Variants in FARP2 observed in about 807,000 individuals in gnomAD.
FARP2 encodes FERM, ARHGEF and pleckstrin domain-containing protein 2.
A neutral mutation model predicts 130.5 loss-of-function variants in FARP2; 111 were observed. That is an observed-to-expected ratio of 0.85 (90% CI 0.73 to 1.00). FARP2 has a LOEUF of 1.00. Ranked by LOEUF, FARP2 falls within the 50% of genes least tolerant of loss-of-function variation. The pLI, the probability that FARP2 is intolerant of heterozygous loss-of-function variation, is 0.00. For missense variants in FARP2, 1,385 were observed against 1,346.3 expected (o/e 1.03, Z -0.45); for synonymous variants, 504 against 516.9 (o/e 0.98, Z 0.34).
At chr2:241,439,996 C>T (rs929529155) in intron 12 of FARP2, among the ~76,000 whole-genome samples, 18 of 152,084 alleles carry the variant, frequency 1.2e-4, no homozygotes, top group African/African-American at 4.3e-4. Flanking sequence ...TTTACGCTTT[C>T]AATTTTCTTC....
intron 12 of FARP2, among the ~76,000 whole-genome samples, chr2:241,438,925 G>A (rs1021991771): frequency 4.0e-5 from 6 of 151,362 alleles, no homozygotes; most frequent in Admixed American, 2.0e-4. Context: ...CACCGCGCCC[G>A]GCCAACTCTT....
Position 241,408,528 on chromosome 2 carries a change from C to T in FARP2, c.410+913C>T, listed in dbSNP as rs1372530703. 1.0e-4 allele frequency among the ~76,000 whole-genome samples: 14 copies of T among 136,454 alleles called. No homozygotes were observed. In the East Asian group the frequency reaches 2.2e-3, roughly 22 times the overall value. 89.5% of individuals were successfully genotyped at this position (136,454 alleles called of 152,430 possible). A position where few individuals can be genotyped will look rare whatever the true frequency, so the allele number is the denominator to read the frequency against. The stretch of plus-strand genomic sequence containing the variant: ...TTCAGTCCAGCCTGGGCAACAAGAG[C>T]GAAACTCTGTCTCAAAAAAAAAAAA... On this transcript the variant is annotated intron_variant, in intron 5 of 26. Coordinates refer to ENST00000264042, the MANE Select transcript of FARP2 (RefSeq NM_014808.4).
chr2:241,429,460 A>G (rs1199831026), intron 8 of FARP2, among the ~76,000 whole-genome samples: 2 of 152,196 alleles, frequency 1.3e-5, no homozygotes, highest in East Asian at 3.8e-4. Flanking sequence ...CCCTGGGCTC[A>G]CTGCCTAGGT....
At chr2:241,442,566 C>T (rs758731897) in intron 13 of FARP2, 2 of 432,944 alleles carry the variant, frequency 4.6e-6, no homozygotes, top group Admixed American at 5.0e-5. Context: ...GCAACCCACT[C>T]ACCCACGCTG....
chr2:241,455,730 G>GTT (rs2063815054), intron 13 of FARP2, among the ~76,000 whole-genome samples: 2 of 125,864 alleles, frequency 1.6e-5, no homozygotes, highest in Non-Finnish European at 3.3e-5. Context: ...AAACTCTAAA[G>GTT]TTTTCTTTTT....
intron 14 of FARP2, among the ~76,000 whole-genome samples, chr2:241,462,075 A>G (rs1448205962): frequency 6.6e-6 from 1 of 152,152 alleles, no homozygotes; most frequent in Non-Finnish European, 1.5e-5. Flanking sequence ...GGCCCGGGGT[A>G]TGTTCCACGT....
intron 13 of FARP2, among the ~76,000 whole-genome samples, chr2:241,455,612 C>T (rs1276006315): frequency 2.0e-5 from 3 of 151,442 alleles, no homozygotes; most frequent in African/African-American, 7.3e-5. Flanking sequence ...TAACTCCTGA[C>T]GTCAGGTGGT....
At chr2:241,413,994 G>A (rs944627164) in intron 7 of FARP2, among the ~76,000 whole-genome samples, 1 of 151,840 alleles carries the variant, frequency 6.6e-6, no homozygotes, top group Admixed American at 6.6e-5. Context: ...GGAGGAGGAT[G>A]CTACTGAGCA....
At chr2:241,466,694 C>G in intron 17 of FARP2, 1 of 689,462 alleles carries the variant, frequency 1.5e-6, no homozygotes, top group South Asian at 6.7e-5. Context: ...CAACCACCCC[C>G]CCCCCCACCA....
chr2:241,431,269 C>T (rs1012484952), intron 8 of FARP2, among the ~76,000 whole-genome samples: 1 of 152,000 alleles, frequency 6.6e-6, no homozygotes, highest in African/African-American at 2.4e-5. Flanking sequence ...GAGTTTGAGA[C>T]CAGCCTGGGC....
chr2:241,405,668 T>G (rs895140506), intron 4 of FARP2, among the ~76,000 whole-genome samples: 5 of 150,758 alleles, frequency 3.3e-5, no homozygotes, highest in Non-Finnish European at 7.4e-5. Flanking sequence ...GGTGTGGGGC[T>G]CATGCCTGTA....
intron 21 of FARP2, chr2:241,488,939 C>T (rs948617283): frequency 6.6e-6 from 1 of 152,186 alleles, no homozygotes; most frequent in Non-Finnish European, 1.5e-5. Flanking sequence ...CCTTATTCTG[C>T]CTCCTTTTAA....
At chr2:241,393,049 T>TCA (rs1401619298) in intron 2 of FARP2, among the ~76,000 whole-genome samples, 1 of 151,780 alleles carries the variant, frequency 6.6e-6, no homozygotes, top group African/African-American at 2.4e-5. Context: ...AGATGGAATC[T>TCA]CACTCCATTG....
At chr2:241,493,552 G>A in intron 26 of FARP2, 108 bp downstream of exon 26, 3 of 1,025,244 alleles carry the variant, frequency 2.9e-6, no homozygotes, top group Non-Finnish European at 3.0e-6. Context: ...TGGAAAGGAA[G>A]GGCTGAGCAA....
intron 14 of FARP2, among the ~76,000 whole-genome samples, chr2:241,461,805 A>G (rs1198531934): frequency 6.6e-6 from 1 of 152,242 alleles, no homozygotes; most frequent in Non-Finnish European, 1.5e-5. Flanking sequence ...AGGACGGAGA[A>G]GAGGCTGTTA....
chr2:241,392,557 T>A (rs897192699), intron 2 of FARP2, among the ~76,000 whole-genome samples: 16 of 152,200 alleles, frequency 1.1e-4, no homozygotes, highest in African/African-American at 3.9e-4. Context: ...TAGAGATGAT[T>A]TATCTGCCAG....
intron 18 of FARP2, chr2:241,471,369 G>A (rs6707883): frequency 0.37 from 56,683 of 151,322 alleles, 10,842 homozygotes; most frequent in Admixed American, 0.52. Flanking sequence ...CCTGTTCTGT[G>A]GAAACCCTGT....
At chr2:241,437,662 A>ATTTTT (rs1254102658) in intron 12 of FARP2, among the ~76,000 whole-genome samples, 15 of 135,436 alleles carry the variant, frequency 1.1e-4, no homozygotes, top group Admixed American at 1.1e-3. Flanking sequence ...TTATTTATTT[A>ATTTTT]TTTATTTATT....
intron 2 of FARP2, among the ~76,000 whole-genome samples, chr2:241,397,633 G>C (rs1023459601): frequency 3.9e-5 from 6 of 152,000 alleles, no homozygotes; most frequent in African/African-American, 1.4e-4. Context: ...AGGTTGGAGA[G>C]ACATTTAGAC....
Sources: allele counts gnomAD v4.1 joint callset (sites outside exome capture counted in the v4.1 genomes callset), GRCh38; gene constraint gnomAD v4.1.1; transcripts MANE v1.5; gene names NCBI Gene and HGNC (gene_info 2026-07-23, HGNC 2026-07-21).